The following NOX4 variants were observed in gnomAD, a reference collection of about 807,000 sequenced individuals.
NOX4 encodes the protein NADPH oxidase 4, also known as kidney oxidase-1.
A neutral mutation model predicts 87.6 loss-of-function variants in NOX4; 69 were observed. That is an observed-to-expected ratio of 0.79 (90% confidence interval 0.65 to 0.96). NOX4 has a LOEUF of 0.96. Ranked by LOEUF, NOX4 falls within the 40% of genes least tolerant of loss-of-function variation. NOX4 has a pLI of 0.00. For synonymous variants in NOX4, 275 were observed against 238.2 expected (o/e 1.15, Z -1.42); for missense variants, 680 against 681.5 (o/e 1.00, Z 0.02).
At chr11:89,582,786 T>C in the NOX4 span, among the ~76,000 whole-genome samples, 3 of 152,176 alleles carry the variant, frequency 2.0e-5, no homozygotes, top group African/African-American at 7.2e-5. Flanking sequence ...TCTCCTGGAA[T>C]CCTGAATGCT....
At chr11:89,571,190 T>A in the NOX4 span, among the ~76,000 whole-genome samples, 54 of 152,260 alleles carry the variant, frequency 3.5e-4, no homozygotes, top group Admixed American at 1.9e-3. Context: ...ATCTAAGTAA[T>A]TGGATATTTT....
the NOX4 span, among the ~76,000 whole-genome samples, chr11:89,527,832 G>A: frequency 2.0e-5 from 3 of 152,156 alleles, no homozygotes; most frequent in Non-Finnish European, 2.9e-5. Context: ...GGGAGGGTAA[G>A]AGCACCCACA....
chr11:89,549,872 C>T, the NOX4 span, among the ~76,000 whole-genome samples: 1 of 152,166 alleles, frequency 6.6e-6, no homozygotes, highest in Non-Finnish European at 1.5e-5. Flanking sequence ...TGTATATGTG[C>T]CACATTTTCT....
chr11:89,460,314 A>G lies in NOX4; in HGVS notation c.154-8419T>C, dbSNP rs569274876. Among the ~76,000 whole-genome samples the G allele has an allele frequency of 3.0e-3, 457 of 152,354 alleles. 3 individuals carry two copies. Among genetic ancestry groups the G allele is most frequent in the Non-Finnish European group, 4.9e-3 (330 of 68,040 alleles). ...ACAAAAGCCACAATTGACAAATGGGATCTAATTAAACTAAAGAGCTTCTGC... is the reference window on the plus strand; with the variant it reads ...ACAAAAGCCACAATTGACAAATGGGGTCTAATTAAACTAAAGAGCTTCTGC... On this transcript the variant is annotated intron_variant, in intron 2 of 17. Transcript: ENST00000263317.
chr11:89,394,638 G>T (rs1156673192), intron 11 of NOX4, among the ~76,000 whole-genome samples: 1 of 151,992 alleles, frequency 6.6e-6, no homozygotes, highest in Admixed American at 6.6e-5. Flanking sequence ...TTCTCCTAAC[G>T]CTATCCCTCC....
chr11:89,396,902 C>T (rs867388135), intron 11 of NOX4, among the ~76,000 whole-genome samples: 1 of 152,050 alleles, frequency 6.6e-6, no homozygotes, highest in African/African-American at 2.4e-5. Flanking sequence ...CAATATTAGA[C>T]AGATCAATGA....
chr11:89,579,608 T>C, the NOX4 span, among the ~76,000 whole-genome samples: 3 of 149,500 alleles, frequency 2.0e-5, no homozygotes, highest in African/African-American at 7.4e-5. Context: ...ATATACAACA[T>C]ATAGAGTGAA....
At chr11:89,554,582 G>A in the NOX4 span, among the ~76,000 whole-genome samples, 1 of 152,046 alleles carries the variant, frequency 6.6e-6, no homozygotes, top group East Asian at 1.9e-4. Flanking sequence ...TTCAGGTATA[G>A]TTATAAATAT....
the NOX4 span, among the ~76,000 whole-genome samples, chr11:89,582,106 A>C: frequency 6.6e-6 from 1 of 152,138 alleles, no homozygotes; most frequent in Non-Finnish European, 1.5e-5. Flanking sequence ...TCCTCATAAA[A>C]GTTGGGGTCA....
chr11:89,563,382 C>A, the NOX4 span, among the ~76,000 whole-genome samples: 8 of 152,008 alleles, frequency 5.3e-5, no homozygotes, highest in Non-Finnish European at 1.2e-4. Flanking sequence ...TGATTTTATG[C>A]CACTCTTACT....
chr11:89,449,319 T>C, intron 4 of NOX4, 121 bp downstream of exon 4: 1 of 637,450 alleles, frequency 1.6e-6, no homozygotes. Flanking sequence ...TTGTCATCAG[T>C]GGTTGTTCTG....
At chr11:89,468,675 T>A (rs994358164) in intron 2 of NOX4, among the ~76,000 whole-genome samples, 1 of 152,174 alleles carries the variant, frequency 6.6e-6, no homozygotes, top group Non-Finnish European at 1.5e-5. Context: ...TATTCTATTA[T>A]ATTGGTTGTG....
At chr11:89,584,492 G>A in the NOX4 span, among the ~76,000 whole-genome samples, 2 of 152,160 alleles carry the variant, frequency 1.3e-5, no homozygotes, top group African/African-American at 4.8e-5. Context: ...TGTTTGAAGT[G>A]TGTGGTAAAT....
chr11:89,423,618 C>A (rs1219610360), intron 7 of NOX4, among the ~76,000 whole-genome samples: 1 of 152,078 alleles, frequency 6.6e-6, no homozygotes, highest in Non-Finnish European at 1.5e-5. Flanking sequence ...TAAGGCACAT[C>A]CCTCCTTTTA....
the NOX4 span, among the ~76,000 whole-genome samples, chr11:89,518,106 G>T: frequency 6.6e-6 from 1 of 151,922 alleles, no homozygotes; most frequent in Admixed American, 6.6e-5. Context: ...CAGAGCTAGG[G>T]TTTTTCAACT....
intron 15 of NOX4, among the ~76,000 whole-genome samples, chr11:89,339,504 C>A (rs1251008810): frequency 2.6e-5 from 4 of 152,046 alleles, no homozygotes; most frequent in African/African-American, 9.7e-5. Context: ...ATGTGTATCA[C>A]TTGTATAGTG....
chr11:89,452,551 TTTTTA>T (rs1350799089), intron 2 of NOX4, among the ~76,000 whole-genome samples: 1 of 152,060 alleles, frequency 6.6e-6, no homozygotes, highest in Non-Finnish European at 1.5e-5. Context: ...TTTTTTAAAA[TTTTTA>T]TTTTATTTTT....
chr11:89,522,745 A>G, the NOX4 span, among the ~76,000 whole-genome samples: 1 of 152,238 alleles, frequency 6.6e-6, no homozygotes, highest in Non-Finnish European at 1.5e-5. Context: ...ATTGTTTTCA[A>G]TATAAAAATT....
At chr11:89,432,878 G>A (rs760747903) in intron 6 of NOX4, 22 bp from the exon 7 acceptor site, 3 of 1,523,676 alleles carry the variant, frequency 2.0e-6, no homozygotes, top group Non-Finnish European at 9.1e-7. Context: ...TATACAAGTA[G>A]GTTTTTACTT....
Sources: gnomAD v4.1 joint callset for allele counts (sites outside exome capture counted in the v4.1 genomes callset) on GRCh38, gnomAD v4.1.1 for gene constraint, MANE v1.5 for transcripts, NCBI Gene and HGNC (gene_info 2026-07-23, HGNC 2026-07-21) for gene names.